The following PIK3CB variants were observed in gnomAD, a reference collection of about 807,000 sequenced individuals.
PIK3CB encodes phosphatidylinositol 4,5-bisphosphate 3-kinase catalytic subunit beta isoform.
A neutral mutation model predicts 136.8 loss-of-function variants in PIK3CB; 39 were observed. That is an observed-to-expected ratio of 0.29 (90% confidence interval 0.22 to 0.37). The LOEUF (loss-of-function observed/expected upper bound fraction) is 0.37, where lower values mean the gene tolerates loss of function less well. Among genes scored for constraint, PIK3CB ranks in the 10% least tolerant of loss-of-function variants. PIK3CB has a pLI of 1.00. For synonymous variants in PIK3CB, 428 were observed against 436.6 expected, an observed-to-expected ratio of 0.98 and a Z score of 0.25; for missense variants, 868 against 1,275.4, an observed-to-expected ratio of 0.68 and a Z score of 4.87.
At chr3:138,817,488 C>A (rs1933388165) in intron 1 of PIK3CB, among the ~76,000 whole-genome samples, 1 of 152,102 alleles carries the variant, frequency 6.6e-6, no homozygotes, top group Non-Finnish European at 1.5e-5. Flanking sequence ...TGCACTCTAG[C>A]CTGGGCAACA....
chr3:138,774,664 T>C (rs537051424), intron 2 of PIK3CB, among the ~76,000 whole-genome samples: 10 of 152,298 alleles, frequency 6.6e-5, no homozygotes, highest in South Asian at 4.2e-4. Context: ...ATGAGCCAAA[T>C]TGTACAAGTG....
chr3:138,825,323 T>C, intron 1 of PIK3CB: 1 of 502,496 alleles, frequency 2.0e-6, no homozygotes, highest in South Asian at 3.1e-5. Flanking sequence ...TTAAAGCTGG[T>C]ATCTCCAAAA....
chr3:138,789,329 G>A (rs1050397643), intron 2 of PIK3CB, among the ~76,000 whole-genome samples: 1 of 151,764 alleles, frequency 6.6e-6, no homozygotes, highest in African/African-American at 2.4e-5. Flanking sequence ...TGTGGTGGTG[G>A]GCACCTGTAG....
chr3:138,751,668 T>A (rs1452577683), intron 4 of PIK3CB, among the ~76,000 whole-genome samples: 1 of 151,772 alleles, frequency 6.6e-6, no homozygotes, highest in Non-Finnish European at 1.5e-5. Context: ...CTAAAGAGGG[T>A]GTTAAAATCC....
chr3:138,715,698 A>G (rs894247298), intron 8 of PIK3CB, among the ~76,000 whole-genome samples: 1 of 151,918 alleles, frequency 6.6e-6, no homozygotes, highest in African/African-American at 2.4e-5. Context: ...GTAATATAAA[A>G]TTTTAAATAC....
At chr3:138,737,645 A>T in intron 6 of PIK3CB, 62 bp downstream of exon 6, 1 of 199,424 alleles carries the variant, frequency 5.0e-6, no homozygotes, top group East Asian at 1.4e-4. Context: ...CAGAAATAAA[A>T]TATATATATA....
In PIK3CB at chr3:138,663,989, A is replaced by G. The variant is rs1194560107; in HGVS notation, c.2713T>C (p.Cys905Arg). 2 of 1,613,924 alleles carry G rather than the reference A, an allele frequency of 1.2e-6. No individual in the cohort carries two copies. The highest frequency in any genetic ancestry group is 1.7e-6 in the Non-Finnish European group (2 of 1,179,862). ...TAAGAAGCTACACAGTAGCCAGCACAGGACAGTGTAAATTCCTCAATGGCT... is the reference window on the plus strand; with the variant it reads ...TAAGAAGCTACACAGTAGCCAGCACGGGACAGTGTAAATTCCTCAATGGCT... ...DRAIEEFTLSCAGYCVASYVL... is the reference protein window; with the variant it reads ...DRAIEEFTLSRAGYCVASYVL... The change falls in exon 21 of 24, where the codon TGT (cysteine) becomes CGT (arginine). Residue 905 changes from cysteine to arginine, a missense_variant. Cys to Arg is a radical substitution (Grantham distance 180). Transcript: ENST00000674063.
chr3:138,669,429 G>T lies in PIK3CB; in HGVS notation c.2505-4226C>A, dbSNP rs977934339. 5.5e-5 allele frequency among the ~76,000 whole-genome samples: 8 copies of T among 144,730 alleles called. No individual in the cohort carries two copies. In the South Asian group the frequency reaches 1.2e-3, roughly 21 times the overall value. The allele number at this position is 144,730 out of a possible 152,430, so 94.9% of individuals were successfully genotyped here. A position where few individuals can be genotyped will look rare whatever the true frequency, so the allele number is the denominator to read the frequency against. On this transcript the variant is annotated intron_variant, in intron 19 of 23. Transcript: ENST00000674063. ...TTTCAAAAAAAAAAAAAAAAAAAGGGGGGGGGGATGTAAAATGTAAACTCC... is the reference window on the plus strand; with the variant it reads ...TTTCAAAAAAAAAAAAAAAAAAAGGTGGGGGGGATGTAAAATGTAAACTCC...
chr3:138,828,376 G>A (rs112775440), intron 1 of PIK3CB, among the ~76,000 whole-genome samples: 5 of 151,398 alleles, frequency 3.3e-5, no homozygotes, highest in African/African-American at 1.2e-4. Context: ...TAGTAGAGAC[G>A]GGTTTTCACG....
At chr3:138,824,425 C>G (rs1234118500) in intron 1 of PIK3CB, among the ~76,000 whole-genome samples, 1 of 152,126 alleles carries the variant, frequency 6.6e-6, no homozygotes, top group East Asian at 1.9e-4. Flanking sequence ...TTGATTCCAG[C>G]AGTAAGCCAG....
At chr3:138,663,734 G>A (rs1188860730) in intron 21 of PIK3CB, among the ~76,000 whole-genome samples, 172 bp downstream of exon 21, 1 of 152,090 alleles carries the variant, frequency 6.6e-6, no homozygotes, top group Non-Finnish European at 1.5e-5. Flanking sequence ...GCAAACAAAT[G>A]AATACATGTA....
intron 1 of PIK3CB, among the ~76,000 whole-genome samples, chr3:138,802,350 AG>A (rs1184067256): frequency 6.6e-6 from 1 of 151,222 alleles, no homozygotes; most frequent in Non-Finnish European, 1.5e-5. Flanking sequence ...ATTGCACTCC[AG>A]CCTGTGTGAC....
chr3:138,782,014 G>T (rs1340349398), intron 2 of PIK3CB, among the ~76,000 whole-genome samples: 1 of 152,134 alleles, frequency 6.6e-6, no homozygotes, highest in East Asian at 1.9e-4. Context: ...TGCTAACACA[G>T]ACCAAATTTA....
intron 2 of PIK3CB, among the ~76,000 whole-genome samples, chr3:138,791,573 C>A (rs2046048134): frequency 6.6e-6 from 1 of 152,186 alleles, no homozygotes; most frequent in Non-Finnish European, 1.5e-5. Context: ...CAACTTGACT[C>A]AAGCCTCTAC....
intron 7 of PIK3CB, among the ~76,000 whole-genome samples, chr3:138,734,101 A>G (rs976937060): frequency 1.2e-4 from 19 of 152,164 alleles, no homozygotes; most frequent in Non-Finnish European, 2.4e-4. Context: ...ACGACTGAGT[A>G]ACTGACTAAA....
At chr3:138,667,490 A>T (rs916597807) in intron 19 of PIK3CB, among the ~76,000 whole-genome samples, 3 of 151,956 alleles carry the variant, frequency 2.0e-5, no homozygotes, top group African/African-American at 7.2e-5. Context: ...ATAGTTTCTA[A>T]AATTAAACAG....
intron 17 of PIK3CB, among the ~76,000 whole-genome samples, 186 bp from the exon 18 acceptor site, chr3:138,683,973 C>G (rs2043832745): frequency 6.6e-6 from 1 of 152,232 alleles, no homozygotes; most frequent in African/African-American, 2.4e-5. Context: ...GTGGCATATA[C>G]TAATGCCAGA....
intron 19 of PIK3CB, among the ~76,000 whole-genome samples, chr3:138,667,207 C>CAAAAA (rs149370978): frequency 1.4e-5 from 1 of 72,678 alleles, no homozygotes; most frequent in Non-Finnish European, 2.5e-5. Flanking sequence ...GACTCTGTCT[C>CAAAAA]AAAAAAAAAA....
intron 8 of PIK3CB, among the ~76,000 whole-genome samples, chr3:138,727,285 G>A (rs1021148898): frequency 2.0e-5 from 3 of 152,196 alleles, no homozygotes; most frequent in African/African-American, 7.2e-5. Flanking sequence ...CCTGTGATTA[G>A]GTTATACTAT....
Sources: gnomAD v4.1 joint callset for allele counts (sites outside exome capture counted in the v4.1 genomes callset) on GRCh38, gnomAD v4.1.1 for gene constraint, MANE v1.5 for transcripts, NCBI Gene and HGNC (gene_info 2026-07-23, HGNC 2026-07-21) for gene names.